The following PXDN variants were observed in gnomAD, a reference collection of about 807,000 sequenced individuals.
The protein encoded by PXDN is peroxidasin homolog.
PXDN carries 77 observed loss-of-function variants against 140.3 expected under a neutral mutation model. The ratio of observed to expected loss-of-function variants is 0.55; its 90% confidence interval spans 0.46 to 0.66. The LOEUF is 0.66. Among genes scored for constraint, PXDN ranks in the 30% least tolerant of loss-of-function variants. The probability of loss-of-function intolerance (pLI) is 0.00; values close to 1 mark genes in which losing one functional copy is unlikely to be tolerated. For synonymous variants in PXDN, 911 were observed against 857.4 expected, an observed-to-expected ratio of 1.06 and a Z score of -1.09; for missense variants, 1,838 against 2,039.5, an observed-to-expected ratio of 0.90 and a Z score of 1.90.
intron 1 of PXDN, among the ~76,000 whole-genome samples, chr2:1,696,419 A>G (rs963985483): frequency 2.6e-5 from 4 of 152,208 alleles, no homozygotes; most frequent in African/African-American, 7.2e-5. Flanking sequence ...CTTTACTGCA[A>G]AGGGGGTTAT....
At chr2:1,662,004 G>T in intron 13 of PXDN, 68 bp downstream of exon 13, 1 of 1,379,824 alleles carries the variant, frequency 7.2e-7, no homozygotes, top group Non-Finnish European at 1.0e-6. Context: ...CAGGTAGTGG[G>T]TGGTGTGGGT....
intron 1 of PXDN, among the ~76,000 whole-genome samples, chr2:1,717,033 C>T (rs1684911306): frequency 1.3e-5 from 2 of 152,178 alleles, no homozygotes; most frequent in South Asian, 4.1e-4. Flanking sequence ...ATCTCTGCTG[C>T]GCTCAACACT....
At chr2:1,719,477 G>A (rs11897722) in intron 1 of PXDN, among the ~76,000 whole-genome samples, 12,081 of 152,240 alleles carry the variant, frequency 0.079, 1,289 homozygotes, top group East Asian at 0.3. Context: ...AGGAGGCATC[G>A]AACTCCTCGC....
chr2:1,664,048 C>T (rs996761199), intron 11 of PXDN: 10 of 378,948 alleles, frequency 2.6e-5, no homozygotes, highest in South Asian at 9.2e-5. Flanking sequence ...GGAGTCAGAG[C>T]GGGGTGGATG....
intron 8 of PXDN, among the ~76,000 whole-genome samples, chr2:1,675,691 G>T (rs1475575193): frequency 1.3e-5 from 2 of 152,144 alleles, no homozygotes; most frequent in African/African-American, 2.4e-5. Flanking sequence ...CCCTGCTCCT[G>T]TCCATCTCTT....
Position 1,679,643 on chromosome 2 carries a change from T to A in PXDN, c.730+550A>T, listed in dbSNP as rs190729945. Among the ~76,000 whole-genome samples the A allele has an allele frequency of 7.0e-5, 10 of 142,916 alleles. No homozygotes were observed. The East Asian group carries it at 2.2e-3, about 31-fold the overall frequency. 93.8% of individuals were successfully genotyped at this position (142,916 alleles called of 152,430 possible). Reference sequence around the variant, plus strand: ...TTGTGTCTGCACGTGTGTGTGTCTATAAATGGTGTGTGTGTAAATGGTGTG... The same window carrying A: ...TTGTGTCTGCACGTGTGTGTGTCTAAAAATGGTGTGTGTGTAAATGGTGTG... On this transcript the variant is annotated intron_variant, in intron 7 of 22. Coordinates refer to ENST00000252804, the MANE Select transcript of PXDN (RefSeq NM_012293.3).
At chr2:1,673,908 A>C (rs1162520754) in intron 8 of PXDN, 96 bp from the exon 9 acceptor site, 1 of 1,374,052 alleles carries the variant, frequency 7.3e-7, no homozygotes. Flanking sequence ...TGCAGCAGGC[A>C]CAACTTGTGC....
rs200727475 is a variant in PXDN at position 1,654,523 on chromosome 2, A to G, written c.1838-15T>C. 7 of 1,572,328 alleles carry G rather than the reference A, an allele frequency of 4.5e-6. No homozygotes were observed. In the East Asian group the frequency reaches 1.6e-4, roughly 35 times the overall value. ...GACGTCAGGAACTAGGAAAATACAAAGTCGCGTATTACCAGGAAAAATACT... is the reference window on the plus strand; with the variant it reads ...GACGTCAGGAACTAGGAAAATACAAGGTCGCGTATTACCAGGAAAAATACT... On this transcript the variant is annotated splice_polypyrimidine_tract_variant and intron_variant, in intron 14 of 22. Coordinates refer to ENST00000252804, the MANE Select transcript of PXDN (RefSeq NM_012293.3).
At chr2:1,723,625 T>C (rs929709299) in intron 1 of PXDN, among the ~76,000 whole-genome samples, 3 of 151,820 alleles carry the variant, frequency 2.0e-5, no homozygotes, top group Admixed American at 1.3e-4. Context: ...TGGTTATGGA[T>C]GGACAGACAG....
intron 6 of PXDN, among the ~76,000 whole-genome samples, chr2:1,680,888 C>A (rs58035986): frequency 6.6e-6 from 1 of 152,184 alleles, no homozygotes; most frequent in Non-Finnish European, 1.5e-5. Flanking sequence ...GGGGTTCACA[C>A]CTAAGTTTCC....
chr2:1,732,501 AC>A, intron 1 of PXDN, among the ~76,000 whole-genome samples: 1 of 152,138 alleles, frequency 6.6e-6, no homozygotes, highest in South Asian at 2.1e-4. Flanking sequence ...CAGACTGAAA[AC>A]CTCATGATTC....
Position 1,649,041 on chromosome 2 carries a change from G to A in PXDN, c.2739C>T (p.Ser913=). The change falls in exon 17 of 23, where the codon TCC becomes TCT. Residue 913 remains serine, a synonymous_variant. Coordinates refer to ENST00000252804, the MANE Select transcript of PXDN (RefSeq NM_012293.3). The surrounding 1 kb of genome is among the most constrained non-coding windows in gnomAD (Gnocchi z 7.1). ...INQLTSYIDA[S]NVYGSTEHEA... The stretch of plus-strand genomic sequence containing the variant: ...CATGCTCCGTGCTCCCGTACACGTT[G>A]GATGCGTCTATGTAGGAGGTGAGCT... The A allele has an allele frequency of 1.2e-6, 2 of 1,612,642 alleles. No homozygotes were observed. The highest frequency in any genetic ancestry group is 1.7e-6 in the Non-Finnish European group (2 of 1,179,724).
chr2:1,691,545 G>T (rs1257300578), intron 3 of PXDN, among the ~76,000 whole-genome samples: 1 of 152,168 alleles, frequency 6.6e-6, no homozygotes, highest in Non-Finnish European at 1.5e-5. Context: ...CTGGCAAGGC[G>T]ACCGGAAACT....
intron 1 of PXDN, among the ~76,000 whole-genome samples, chr2:1,722,825 C>T (rs2125482491): frequency 6.6e-6 from 1 of 152,360 alleles, no homozygotes; most frequent in Admixed American, 6.5e-5. Flanking sequence ...CGGTGTGCCT[C>T]ACAGCCTGAC....
At chr2:1,671,109 A>T (rs1302350998) in intron 9 of PXDN, among the ~76,000 whole-genome samples, 3 of 152,282 alleles carry the variant, frequency 2.0e-5, no homozygotes, top group Non-Finnish European at 2.9e-5. Flanking sequence ...AGAACCAAGC[A>T]CATCAACTCA....
intron 3 of PXDN, among the ~76,000 whole-genome samples, chr2:1,691,490 C>T (rs1684182359): frequency 6.6e-6 from 1 of 152,198 alleles, no homozygotes; most frequent in African/African-American, 2.4e-5. Flanking sequence ...GAATTAGTGA[C>T]ACTCCACCGG....
At chr2:1,734,528 C>T (rs60431109) in intron 1 of PXDN, among the ~76,000 whole-genome samples, 39,739 of 151,992 alleles carry the variant, frequency 0.26, 5,529 homozygotes, top group East Asian at 0.59. Flanking sequence ...CTGTAGTATG[C>T]GATGCTGTTT....
At chr2:1,654,316 A>G in intron 15 of PXDN, 84 bp downstream of exon 15, 2 of 901,094 alleles carry the variant, frequency 2.2e-6, no homozygotes, top group East Asian at 5.0e-5. Flanking sequence ...CATATATTAG[A>G]ACTGCATGCA....
chr2:1,713,673 C>T (rs78918610), intron 1 of PXDN, among the ~76,000 whole-genome samples: 1,553 of 152,316 alleles, frequency 0.01, 16 homozygotes, highest in African/African-American at 0.016. Context: ...CCCGAATGCT[C>T]GTGTGCTCCT....
Sources: gnomAD v4.1 joint callset for allele counts (sites outside exome capture counted in the v4.1 genomes callset) on GRCh38, gnomAD v4.1.1 for gene constraint, Gnocchi (gnomAD v3.1) non-coding constraint, MANE v1.5 for transcripts, NCBI Gene and HGNC (gene_info 2026-07-23, HGNC 2026-07-21) for gene names.